The following GRIA1 variants were observed in gnomAD, a reference collection of about 807,000 sequenced individuals.
The protein encoded by GRIA1 is glutamate receptor 1.
GRIA1 carries 31 observed loss-of-function variants against 99.2 expected under a neutral mutation model. The observed-to-expected ratio is 0.31, with a 90% CI of 0.23 to 0.42. GRIA1 has a LOEUF of 0.42. GRIA1 is among the 10% of genes least tolerant of loss of function. GRIA1 has a pLI of 1.00. For missense variants in GRIA1, 782 were observed against 1,157.5 expected (o/e 0.68, Z 4.71); for synonymous variants, 438 against 432.4 (o/e 1.01, Z -0.16).
intron 2 of GRIA1, among the ~76,000 whole-genome samples, chr5:153,597,972 A>T (rs2149393528): frequency 6.6e-6 from 1 of 152,266 alleles, no homozygotes; most frequent in East Asian, 1.9e-4. Flanking sequence ...TGTTCATGCC[A>T]CTACATTCCA....
At chr5:153,542,406 T>C (rs1162003714) in intron 2 of GRIA1, among the ~76,000 whole-genome samples, 1 of 152,182 alleles carries the variant, frequency 6.6e-6, no homozygotes, top group African/African-American at 2.4e-5. Flanking sequence ...AGGAATAACA[T>C]GCAAGCAGGA....
chr5:153,679,070 T>G (rs10058928), intron 7 of GRIA1, among the ~76,000 whole-genome samples: 34,407 of 152,158 alleles, frequency 0.23, 4,193 homozygotes, highest in Non-Finnish European at 0.26. Flanking sequence ...GGAAGCAGTT[T>G]CCATAGTCAA....
At chr5:153,518,683 G>A (rs896136493) in intron 2 of GRIA1, among the ~76,000 whole-genome samples, 1 of 152,166 alleles carries the variant, frequency 6.6e-6, no homozygotes, top group Non-Finnish European at 1.5e-5. Flanking sequence ...GCTCAGCACT[G>A]TACAAATATT....
intron 11 of GRIA1, among the ~76,000 whole-genome samples, chr5:153,756,545 T>C (rs774253960): frequency 6.6e-6 from 1 of 152,186 alleles, no homozygotes; most frequent in Non-Finnish European, 1.5e-5. Context: ...GTCCCACTTA[T>C]GCAGGGATCT....
intron 9 of GRIA1, among the ~76,000 whole-genome samples, chr5:153,698,365 G>A (rs574547590): frequency 5.3e-5 from 8 of 152,176 alleles, no homozygotes; most frequent in African/African-American, 1.7e-4. Flanking sequence ...TTGTACCCTT[G>A]GGTAACTTAC....
chr5:153,739,069 T>G (rs1761595379), intron 11 of GRIA1, among the ~76,000 whole-genome samples: 1 of 141,730 alleles, frequency 7.1e-6, no homozygotes, highest in Admixed American at 7.2e-5. Flanking sequence ...TTCTCCATTC[T>G]GCAAGGCAGG....
At chr5:153,582,469 A>G (rs1200787075) in intron 2 of GRIA1, among the ~76,000 whole-genome samples, 2 of 152,118 alleles carry the variant, frequency 1.3e-5, no homozygotes, top group Admixed American at 6.5e-5. Flanking sequence ...TAATTAGCTT[A>G]GTTTGGGGAA....
chr5:153,712,466 C>T (rs1581519193), intron 11 of GRIA1, among the ~76,000 whole-genome samples: 1 of 152,172 alleles, frequency 6.6e-6, no homozygotes, highest in South Asian at 2.1e-4. Flanking sequence ...TCATAGTAAC[C>T]AGTATGCCTT....
chr5:153,513,969 TG>T (rs548295998), intron 2 of GRIA1, among the ~76,000 whole-genome samples: 56 of 152,340 alleles, frequency 3.7e-4, no homozygotes, highest in African/African-American at 1.3e-3. Flanking sequence ...ACCTCTATTT[TG>T]GTTCAACACC....
intron 2 of GRIA1, among the ~76,000 whole-genome samples, chr5:153,560,838 G>A (rs1761058172): frequency 6.6e-6 from 1 of 152,126 alleles, no homozygotes; most frequent in Non-Finnish European, 1.5e-5. Context: ...ATGAGTTTTG[G>A]AGAAGCCTCC....
intron 11 of GRIA1, among the ~76,000 whole-genome samples, chr5:153,747,581 G>A (rs182100131): frequency 1.3e-5 from 2 of 152,236 alleles, no homozygotes; most frequent in Admixed American, 6.5e-5. Flanking sequence ...CAGTGGCTAT[G>A]ATGGTGAATA....
At chr5:153,678,793 AGGACTCTGTACTG>A (rs1179565946) in intron 7 of GRIA1, among the ~76,000 whole-genome samples, 2 of 152,222 alleles carry the variant, frequency 1.3e-5, no homozygotes, top group African/African-American at 4.8e-5. Context: ...GGTGGCAGGA[AGGACTCTGTACTG>A]GGAGGCAGGA....
At chr5:153,569,586 A>C (rs1761936082) in intron 2 of GRIA1, among the ~76,000 whole-genome samples, 2 of 152,228 alleles carry the variant, frequency 1.3e-5, no homozygotes, top group Admixed American at 1.3e-4. Flanking sequence ...TAAAATGATA[A>C]TAACATTGAC....
intron 14 of GRIA1, among the ~76,000 whole-genome samples, chr5:153,802,133 G>A (rs1766080199): frequency 6.6e-6 from 1 of 152,052 alleles, no homozygotes. Context: ...ACATAGTCAG[G>A]GAGGCTTGGA....
At chr5:153,680,815 G>A (rs1161023322) in intron 7 of GRIA1, among the ~76,000 whole-genome samples, 4 of 152,174 alleles carry the variant, frequency 2.6e-5, no homozygotes, top group Non-Finnish European at 4.4e-5. Flanking sequence ...ACTGAGGAAT[G>A]CAGACATCAG....
intron 2 of GRIA1, among the ~76,000 whole-genome samples, chr5:153,620,621 A>G (rs1228434802): frequency 6.6e-6 from 1 of 152,186 alleles, no homozygotes; most frequent in African/African-American, 2.4e-5. Context: ...AGCACTTGAC[A>G]TGATTTCTTC....
intron 2 of GRIA1, among the ~76,000 whole-genome samples, chr5:153,614,944 G>A (rs570478511): frequency 3.1e-4 from 47 of 152,326 alleles, no homozygotes; most frequent in African/African-American, 1.0e-3. Context: ...TAAGGAATCA[G>A]ATTCTCCAGA....
intron 11 of GRIA1, among the ~76,000 whole-genome samples, chr5:153,750,942 C>CA (rs1283844081): frequency 1.3e-5 from 2 of 151,638 alleles, no homozygotes; most frequent in African/African-American, 2.4e-5. Context: ...ACTAAAAGTA[C>CA]AAAAAAAATT....
At position 153,757,351 on chromosome 5, in the gene GRIA1, G is replaced by A. The variant is rs533883272; in HGVS notation, c.1824-7083G>A. Among the ~76,000 whole-genome samples the A allele has an allele frequency of 1.2e-4, 18 of 152,154 alleles. No homozygotes were observed. In the South Asian group the frequency reaches 3.5e-3, roughly 30 times the overall value. On this transcript the variant is annotated intron_variant, in intron 11 of 15. Coordinates refer to ENST00000285900, the MANE Select transcript of GRIA1 (RefSeq NM_000827.4). Reference sequence around the variant, plus strand: ...TTGGGTCATTGAAGTTCAAGAGGGAGAAGAAAAACACAAAAGGGTAGATGG... The same window carrying A: ...TTGGGTCATTGAAGTTCAAGAGGGAAAAGAAAAACACAAAAGGGTAGATGG...
Sources: gnomAD v4.1 joint callset for allele counts (sites outside exome capture counted in the v4.1 genomes callset) on GRCh38, gnomAD v4.1.1 for gene constraint, MANE v1.5 for transcripts, NCBI Gene and HGNC (gene_info 2026-07-23, HGNC 2026-07-21) for gene names.